Variants in CYP11A1 observed in about 807,000 individuals in gnomAD.
CYP11A1 encodes the protein cholesterol side-chain cleavage enzyme, mitochondrial.
In CYP11A1, 25 loss-of-function variants were observed where a neutral mutation model predicts 51.9. The observed-to-expected ratio is 0.48, with a 90% CI of 0.35 to 0.67. The LOEUF is 0.67. Ranked by LOEUF, CYP11A1 falls within the 30% of genes least tolerant of loss-of-function variation. The pLI, the probability that CYP11A1 is intolerant of heterozygous loss-of-function variation, is 0.00. For synonymous variants in CYP11A1, 245 were observed against 262.1 expected (o/e 0.93, Z 0.63); for missense variants, 578 against 680.9 (o/e 0.85, Z 1.68).
intron 1 of CYP11A1, among the ~76,000 whole-genome samples, chr15:74,360,468 T>C (rs1182581570): frequency 6.6e-6 from 1 of 151,856 alleles, no homozygotes; most frequent in Non-Finnish European, 1.5e-5. Context: ...TTATTTTTAG[T>C]AGAGATGGGG....
At chr15:74,356,675 A>G (rs563568609) in intron 1 of CYP11A1, among the ~76,000 whole-genome samples, 44 of 152,312 alleles carry the variant, frequency 2.9e-4, no homozygotes, top group African/African-American at 9.6e-4. Context: ...CCACCTGCCC[A>G]GTTCCCTTAT....
intron 6 of CYP11A1, 27 bp from the exon 7 acceptor site, chr15:74,339,342 G>T: frequency 6.2e-7 from 1 of 1,606,552 alleles, no homozygotes; most frequent in Non-Finnish European, 8.5e-7. Context: ...CTCAGAAGCT[G>T]ATGGCCCCAA....
intron 1 of CYP11A1, chr15:74,348,311 T>C: frequency 6.0e-6 from 3 of 497,254 alleles, no homozygotes; most frequent in Non-Finnish European, 7.3e-6. Flanking sequence ...AGTGAGAGCT[T>C]TATGATCACT....
At chr15:74,352,462 G>A (rs1415242092) in intron 1 of CYP11A1, among the ~76,000 whole-genome samples, 1 of 151,892 alleles carries the variant, frequency 6.6e-6, no homozygotes, top group East Asian at 1.9e-4. Flanking sequence ...ATAGAGACAA[G>A]GTTTCACCAT....
chr15:74,358,536 ACTC>A (rs1172781592), intron 1 of CYP11A1, among the ~76,000 whole-genome samples: 1 of 151,544 alleles, frequency 6.6e-6, no homozygotes, highest in South Asian at 2.1e-4. Flanking sequence ...CTAGTCTACT[ACTC>A]CTCAGGACCC....
chr15:74,353,252 A>G (rs2060663941), intron 1 of CYP11A1, among the ~76,000 whole-genome samples: 1 of 152,228 alleles, frequency 6.6e-6, no homozygotes, highest in South Asian at 2.1e-4. Flanking sequence ...TAAGTAGGGG[A>G]GAAAGATGAG....
At chr15:74,361,517 C>T (rs149939581) in intron 1 of CYP11A1, 98 of 594,634 alleles carry the variant, frequency 1.6e-4, no homozygotes, top group African/African-American at 1.5e-3. Context: ...TTTGCAGATG[C>T]CGTCACTGCC....
Position 74,357,687 on chromosome 15 carries a change from G to A in CYP11A1, c.269+9630C>T, listed in dbSNP as rs138710280. On this transcript the variant is annotated intron_variant, in intron 1 of 8. Coordinates refer to ENST00000268053, the MANE Select transcript of CYP11A1 (RefSeq NM_000781.3). ...ACACAGCTGAAGTGCAGGGCTGTGC[G>A]GTCAGAATTCTTACACAAGAGCCAG... Among the ~76,000 whole-genome samples, 355 of 152,156 alleles carry A rather than the reference G, an allele frequency of 2.3e-3. 1 individual carries two copies. Among genetic ancestry groups the A allele is most frequent in the African/African-American group, 8.1e-3 (337 of 41,490 alleles).
At chr15:74,355,881 C>A (rs988966663) in intron 1 of CYP11A1, among the ~76,000 whole-genome samples, 4 of 152,358 alleles carry the variant, frequency 2.6e-5, no homozygotes, top group Non-Finnish European at 5.9e-5. Context: ...AGACGCTTTA[C>A]AGCCCTAGAC....
chr15:74,343,238 C>T (rs1017207725), intron 4 of CYP11A1, 101 bp from the exon 5 acceptor site: 17 of 1,236,020 alleles, frequency 1.4e-5, no homozygotes, highest in Admixed American at 1.0e-4. Context: ...CTGGGGATTC[C>T]GGAGCCCTGT....
Position 74,345,177 on chromosome 15 carries a change from G to C in CYP11A1, c.492C>G (p.Thr164=). ...CATCCAACAGGGGCAAAAAGTTCTTGGTGGCCTCTGGAGCCATCACCTCCT... is the reference window on the plus strand; with the variant it reads ...CATCCAACAGGGGCAAAAAGTTCTTCGTGGCCTCTGGAGCCATCACCTCCT... ...LNQEVMAPEA[T]KNFLPLLDAV... is the part of the protein sequence containing the mutation. Residue 164 remains threonine (T), a synonymous_variant, in exon 3 of 9, where the codon ACC becomes ACG. Transcript: ENST00000268053. The surrounding 1 kb of genome is among the most constrained non-coding windows in gnomAD (Gnocchi z 4.3). 6.2e-7 allele frequency: 1 copy of C among 1,614,190 alleles called. No homozygotes were observed. The highest frequency in any genetic ancestry group is 8.5e-7 in the Non-Finnish European group (1 of 1,180,032).
In CYP11A1 at chr15:74,343,910, G is replaced by A. The variant is rs2141234387; in HGVS notation, c.708C>T (p.Ala236=). The part of the protein sequence containing the change: ...VNPEAQRFID[A]IYQMFHTSVP... ...CGCTGGTGTGGAACATCTGGTAGAT[G>A]GCATCAATGAATCGCTGGGCCTCGG... The change falls in exon 4 of 9, where the codon GCC becomes GCT. Residue 236 remains alanine, a synonymous_variant. Transcript: ENST00000268053. The A allele has an allele frequency of 6.2e-7, 1 of 1,614,132 alleles. No homozygotes were observed. Among genetic ancestry groups the A allele is most frequent in the East Asian group, 2.2e-5 (1 of 44,878 alleles).
At chr15:74,360,956 T>G (rs1426914281) in intron 1 of CYP11A1, among the ~76,000 whole-genome samples, 1 of 152,200 alleles carries the variant, frequency 6.6e-6, no homozygotes, top group Non-Finnish European at 1.5e-5. Context: ...TAGAAACAGT[T>G]TTACATGCAA....
Position 74,367,471 on chromosome 15 carries a change from C to A in CYP11A1, c.115G>T (p.Gly39Cys). The A allele has an allele frequency of 6.2e-7, 1 of 1,614,176 alleles. No homozygotes were observed. Among genetic ancestry groups the A allele is most frequent in the East Asian group, 2.2e-5 (1 of 44,886 alleles). ...GGGCGAGGACTGCGGGTGGAGATGCCAGCTCCCTCGCCAGTGGGCACCCTG... is the reference window on the plus strand; with the variant it reads ...GGGCGAGGACTGCGGGTGGAGATGCAAGCTCCCTCGCCAGTGGGCACCCTG... Reference protein sequence around the residue: ...RLRVPTGEGAGISTRSPRPFN... With the variant: ...RLRVPTGEGACISTRSPRPFN... Residue 39 changes from glycine to cysteine, a missense_variant, in exon 1 of 9, where the codon GGC becomes TGC. Gly to Cys is a radical substitution (Grantham distance 159). Transcript: ENST00000268053.
chr15:74,343,835 CT>C lies in CYP11A1; in HGVS notation c.782del (p.Lys261ArgfsTer12). On this transcript the variant is annotated frameshift_variant, in exon 4 of 9. Transcript: ENST00000268053. LOFTEE classifies it high-confidence loss of function. ...PPDLFRLFRTKTWKDHVAAWD... is the reference protein window; with the variant it reads ...PPDLFRLFRTXTWKDHVAAWD... ...ATGCAGCCACATGGTCCTTCCAGGTCTTGGTCCTGAACAGACGGAACAGGTC... is the reference window on the plus strand; with the variant it reads ...ATGCAGCCACATGGTCCTTCCAGGTCTGGTCCTGAACAGACGGAACAGGTC... 1 of 1,613,576 alleles carries C rather than the reference CT, an allele frequency of 6.2e-7. No homozygotes were observed. Among genetic ancestry groups the C allele is most frequent in the Non-Finnish European group, 8.5e-7 (1 of 1,180,034 alleles).
At chr15:74,361,583 C>T (rs1283158060) in intron 1 of CYP11A1, 9 of 949,938 alleles carry the variant, frequency 9.5e-6, no homozygotes, top group Non-Finnish European at 1.5e-5. Context: ...TTTGACATCG[C>T]AGTCACGGCG....
intron 1 of CYP11A1, among the ~76,000 whole-genome samples, chr15:74,356,014 C>A (rs2060677719): frequency 6.6e-6 from 1 of 152,246 alleles, no homozygotes; most frequent in Admixed American, 6.5e-5. Flanking sequence ...GGGAATTAAT[C>A]AACCTTGCCT....
intron 1 of CYP11A1, among the ~76,000 whole-genome samples, chr15:74,352,328 G>A (rs1391389489): frequency 1.4e-5 from 2 of 144,750 alleles, no homozygotes; most frequent in Non-Finnish European, 3.0e-5. Flanking sequence ...AGAGTGCAGT[G>A]GTGTGATCTC....
chr15:74,338,720 AG>A lies in CYP11A1; in HGVS notation c.1284del (p.Phe429SerfsTer13), dbSNP rs1475213216. The A allele has an allele frequency of 1.9e-6, 3 of 1,614,088 alleles. No individual in the cohort carries two copies. The highest frequency in any genetic ancestry group is 2.2e-5 in the South Asian group (2 of 91,088). ...GGGTCAAAATTTTCCGGGTCGAAGA[AG>A]AAGGTGGGCTCTCGGCCCAGAGCAT... ...AIYALGREPT[F>X]FFDPENFDPT... is the part of the protein sequence containing the mutation. On this transcript the variant is annotated frameshift_variant, in exon 8 of 9. Coordinates refer to ENST00000268053, the MANE Select transcript of CYP11A1 (RefSeq NM_000781.3). LOFTEE classifies it high-confidence loss of function.
Sources: allele counts gnomAD v4.1 joint callset (sites outside exome capture counted in the v4.1 genomes callset), GRCh38; gene constraint gnomAD v4.1.1; non-coding constraint Gnocchi (gnomAD v3.1); transcripts MANE v1.5; gene names NCBI Gene and HGNC (gene_info 2026-07-23, HGNC 2026-07-21).